Variants in RAD1 observed in about 807,000 individuals in gnomAD.
RAD1 encodes the protein cell cycle checkpoint protein RAD1.
RAD1 carries 21 observed loss-of-function variants against 30.0 expected under a neutral mutation model. That is an observed-to-expected ratio of 0.70 (90% CI 0.50 to 1.01). The LOEUF (loss-of-function observed/expected upper bound fraction) is 1.01. Ranked by LOEUF, RAD1 falls within the 50% of genes least tolerant of loss-of-function variation. The pLI, the probability that RAD1 is intolerant of heterozygous loss-of-function variation, is 0.00. For synonymous variants in RAD1, 109 were observed against 113.6 expected, an observed-to-expected ratio of 0.96 and a Z score of 0.26; for missense variants, 329 against 329.0, an observed-to-expected ratio of 1.00 and a Z score of 0.00.
intron 4 of RAD1, 90 bp from the exon 5 acceptor site, chr5:34,909,446 A>G: frequency 1.2e-6 from 1 of 854,140 alleles, no homozygotes; most frequent in Non-Finnish European, 1.9e-6. Context: ...TAAGAAATTC[A>G]TACTAGTGGG....
intron 4 of RAD1, among the ~76,000 whole-genome samples, chr5:34,910,818 A>G (rs774732672): frequency 6.6e-6 from 1 of 152,174 alleles, no homozygotes; most frequent in Non-Finnish European, 1.5e-5. Flanking sequence ...ATATTCTGAA[A>G]TATTTCAAAA....
chr5:34,915,032 G>T, intron 1 of RAD1, 71 bp from the exon 2 acceptor site: 1 of 832,242 alleles, frequency 1.2e-6, no homozygotes, highest in Non-Finnish European at 1.9e-6. Context: ...GCGCTGAGAG[G>T]TGGAAAGGGG....
rs1482844937 is a variant in RAD1 at position 34,906,397 on chromosome 5, G to A, written c.*2368C>T. ...CTCACGCCTGTAATCCCAGCCCTTT[G>A]GGAGGCCGAGGCGGGTGGATTGCTT... On this transcript the variant is annotated 3_prime_UTR_variant, in exon 6 of 6. Coordinates refer to ENST00000382038, the MANE Select transcript of RAD1 (RefSeq NM_002853.4). 2 of 152,182 alleles carry A rather than the reference G, an allele frequency of 1.3e-5. No individual in the cohort carries two copies. Among genetic ancestry groups the A allele is most frequent in the East Asian group, 3.9e-4 (2 of 5,184 alleles). The allele number at this position is 152,182 out of a possible 1,614,324, so 9.4% of individuals were successfully genotyped here.
intron 2 of RAD1, 196 bp downstream of exon 2, chr5:34,914,499 C>T (rs905263184): frequency 5.0e-6 from 3 of 600,664 alleles, no homozygotes; most frequent in Admixed American, 6.2e-5. Context: ...AATTTGTTAC[C>T]GGGAGAGAAA....
At chr5:34,910,507 A>G (rs1231078414) in intron 4 of RAD1, among the ~76,000 whole-genome samples, 2 of 151,118 alleles carry the variant, frequency 1.3e-5, no homozygotes, top group African/African-American at 4.9e-5. Context: ...AGCTCACCGC[A>G]ACCTCCACTT....
In RAD1 at chr5:34,905,469, CTG is replaced by C. The variant is rs948461349; in HGVS notation, c.*3294_*3295del. On this transcript the variant is annotated 3_prime_UTR_variant, in exon 6 of 6. Coordinates refer to ENST00000382038, the MANE Select transcript of RAD1 (RefSeq NM_002853.4). ...ACCCTGTGGCTTCCTGTTAAAATGA[CTG>C]TGTTACATGCCTTATTTTTATTAAA... is the stretch of plus-strand genomic sequence containing the variant. 2.6e-5 allele frequency: 4 copies of C among 151,476 alleles called. No individual in the cohort carries two copies. Among genetic ancestry groups the C allele is most frequent in the Non-Finnish European group, 5.9e-5 (4 of 67,982 alleles). 9.4% of individuals were successfully genotyped at this position (151,476 alleles called of 1,614,324 possible).
chr5:34,907,341 A>G lies in RAD1; in HGVS notation c.*1424T>C, dbSNP rs1763684172. The G allele has an allele frequency of 1.3e-5, 2 of 152,222 alleles. No homozygotes were observed. The highest frequency in any genetic ancestry group is 6.5e-5 in the Admixed American group (1 of 15,280). The allele number at this position is 152,222 out of a possible 1,614,324, so 9.4% of individuals were successfully genotyped here. A position where few individuals can be genotyped will look rare whatever the true frequency, so the allele number is the denominator to read the frequency against. On this transcript the variant is annotated 3_prime_UTR_variant, in exon 6 of 6. Transcript: ENST00000382038. ...TAGCATCAGTGGGTAAGGGCCAGAA[A>G]GGCTAAATGAATCCTGCAATGGGAT...
intron 4 of RAD1, among the ~76,000 whole-genome samples, chr5:34,910,354 T>G (rs1230600132): frequency 6.6e-6 from 1 of 152,166 alleles, no homozygotes; most frequent in African/African-American, 2.4e-5. Flanking sequence ...ATTTCCATTT[T>G]GGTTAACTTT....
rs1344364831 is a variant in RAD1, at chr5:34,914,883, G to A, written c.10C>T (p.Leu4=). 6.8e-6 allele frequency: 11 copies of A among 1,614,028 alleles called. No individual in the cohort carries two copies. Among genetic ancestry groups the A allele is most frequent in the African/African-American group, 1.3e-5 (1 of 74,910 alleles). The change falls in exon 2 of 6, where the codon CTG becomes TTG. Residue 4 remains leucine, a synonymous_variant. Coordinates refer to ENST00000382038, the MANE Select transcript of RAD1 (RefSeq NM_002853.4). MPL[L]TQQIQDEDDQ... ...TCCTCGTCTTGGATCTGTTGGGTCA[G>A]AAGGGGCATCGTCCACTGCGCATTC... is the stretch of plus-strand genomic sequence containing the variant.
At position 34,909,242 on chromosome 5, in the gene RAD1, T is replaced by A; in HGVS notation, c.665+16A>T. On this transcript the variant is annotated intron_variant, in intron 5 of 5. Coordinates refer to ENST00000382038, the MANE Select transcript of RAD1 (RefSeq NM_002853.4). ...CCTCTTTATCACCAATGACAACCTCTATATTAAGAACTGACCTGTTGACTT... is the reference window on the plus strand; with the variant it reads ...CCTCTTTATCACCAATGACAACCTCAATATTAAGAACTGACCTGTTGACTT... The A allele has an allele frequency of 6.5e-7, 1 of 1,544,860 alleles. No homozygotes were observed. Among genetic ancestry groups the A allele is most frequent in the Non-Finnish European group, 8.9e-7 (1 of 1,123,254 alleles).
At chr5:34,911,908 T>C (rs1054793530) in intron 3 of RAD1, 96 bp from the exon 4 acceptor site, 2 of 1,398,706 alleles carry the variant, frequency 1.4e-6, no homozygotes, top group Non-Finnish European at 9.8e-7. Flanking sequence ...GAATAATTTA[T>C]TCCGCCCAAT....
At chr5:34,910,257 G>C (rs41271727) in intron 4 of RAD1, among the ~76,000 whole-genome samples, 57 of 152,222 alleles carry the variant, frequency 3.7e-4, no homozygotes, top group Non-Finnish European at 6.6e-4. Context: ...TACCCAGGCT[G>C]AGAGAGATCA....
intron 4 of RAD1, among the ~76,000 whole-genome samples, chr5:34,910,823 T>C (rs1232769812): frequency 1.3e-5 from 2 of 152,232 alleles, no homozygotes; most frequent in Admixed American, 6.5e-5. Context: ...CTGAAATATT[T>C]CAAAAAGAGA....
At chr5:34,910,209 C>T (rs1483704598) in intron 4 of RAD1, among the ~76,000 whole-genome samples, 1 of 152,112 alleles carries the variant, frequency 6.6e-6, no homozygotes, top group Non-Finnish European at 1.5e-5. Flanking sequence ...CAAATTGTTT[C>T]CCATCCTGGA....
At chr5:34,910,915 CT>C (rs1307055810) in intron 4 of RAD1, among the ~76,000 whole-genome samples, 1 of 152,186 alleles carries the variant, frequency 6.6e-6, no homozygotes, top group African/African-American at 2.4e-5. Context: ...TCAAGAACAG[CT>C]TTTTTGACAT....
chr5:34,912,537 T>C (rs935092416), intron 3 of RAD1, among the ~76,000 whole-genome samples: 3 of 151,822 alleles, frequency 2.0e-5, no homozygotes, highest in Non-Finnish European at 4.4e-5. Flanking sequence ...AAACGTAAAA[T>C]ACATTTTTCT....
chr5:34,911,324 A>T (rs1763831616), intron 4 of RAD1, among the ~76,000 whole-genome samples: 1 of 152,210 alleles, frequency 6.6e-6, no homozygotes, highest in Admixed American at 6.5e-5. Flanking sequence ...AAATTAGAGG[A>T]CTGGGCTTCT....
In RAD1 at chr5:34,907,672, C is replaced by G. The variant is rs754908871; in HGVS notation, c.*1093G>C. The G allele has an allele frequency of 6.6e-6, 1 of 152,178 alleles. No individual in the cohort carries two copies. The highest frequency in any genetic ancestry group is 1.5e-5 in the Non-Finnish European group (1 of 68,038). The allele number at this position is 152,178 out of a possible 1,614,324, so 9.4% of individuals were successfully genotyped here. A position where few individuals can be genotyped will look rare whatever the true frequency, so the allele number is the denominator to read the frequency against. ...AAGTAGTAAGTACTGATTGCAGTTACTTACAGCAAACAGTTTTGAGAAGAA... is the reference window on the plus strand; with the variant it reads ...AAGTAGTAAGTACTGATTGCAGTTAGTTACAGCAAACAGTTTTGAGAAGAA... On this transcript the variant is annotated 3_prime_UTR_variant, in exon 6 of 6. Coordinates refer to ENST00000382038, the MANE Select transcript of RAD1 (RefSeq NM_002853.4).
In RAD1 at chr5:34,905,929, A is replaced by G. The variant is rs1439983984; in HGVS notation, c.*2836T>C. 6.6e-6 allele frequency: 1 copy of G among 152,216 alleles called. No homozygotes were observed. Among genetic ancestry groups the G allele is most frequent in the African/African-American group, 2.4e-5 (1 of 41,460 alleles). The allele number at this position is 152,216 out of a possible 1,614,324, so 9.4% of individuals were successfully genotyped here. ...CTTTGAATTCTAAATAGCTGAAGAC[A>G]TGCAGCTAAAACAATAATTTTTATT... is the stretch of plus-strand genomic sequence containing the variant. On this transcript the variant is annotated 3_prime_UTR_variant, in exon 6 of 6. Transcript: ENST00000382038.
Sources: gnomAD v4.1 joint callset for allele counts (sites outside exome capture counted in the v4.1 genomes callset) on GRCh38, gnomAD v4.1.1 for gene constraint, MANE v1.5 for transcripts, NCBI Gene and HGNC (gene_info 2026-07-23, HGNC 2026-07-21) for gene names.